TAL1: variants seen among roughly 807,000 people sequenced by gnomAD.
TAL1 encodes the protein T-cell acute lymphocytic leukemia protein 1.
TAL1 carries 8 observed loss-of-function variants against 17.9 expected under a neutral mutation model. The observed-to-expected ratio is 0.45, with a 90% confidence interval of 0.26 to 0.81. The LOEUF (loss-of-function observed/expected upper bound fraction) is 0.81. Among genes scored for constraint, TAL1 ranks in the 30% least tolerant of loss-of-function variants. The pLI, the probability that TAL1 is intolerant of heterozygous loss-of-function variation, is 0.17. For synonymous variants in TAL1, 223 were observed against 218.6 expected (o/e 1.02, Z -0.18); for missense variants, 466 against 486.9 (o/e 0.96, Z 0.40).
intron 1 of TAL1, among the ~76,000 whole-genome samples, chr1:47,226,410 C>G (rs1643912465): frequency 6.6e-6 from 1 of 152,144 alleles, no homozygotes; most frequent in African/African-American, 2.4e-5. Context: ...CACCTACAGG[C>G]ACACACCCAG....
intron 1 of TAL1, chr1:47,227,413 A>G (rs1643929745): frequency 6.6e-6 from 1 of 152,218 alleles, no homozygotes; most frequent in African/African-American, 2.4e-5. Flanking sequence ...TAAATCATAC[A>G]TAGCAGCCAT....
chr1:47,231,621 CA>C (rs1644015919), upstream of TAL1: 2 of 233,752 alleles, frequency 8.6e-6, no homozygotes, highest in South Asian at 3.6e-4. Context: ...CGACACCACC[CA>C]AACACAGTCG....
chr1:47,232,087 A>G (rs748807784), upstream of TAL1: 16 of 208,036 alleles, frequency 7.7e-5, no homozygotes, highest in Non-Finnish European at 9.2e-5. Context: ...GGACGTGGGG[A>G]AAAAGAGGAG....
chr1:47,219,894 G>GGCGCCCCCCCCCCCCCCCCCCCCC, exon 4 of TAL1: 3 of 1,556,026 alleles, frequency 1.9e-6, no homozygotes, highest in Non-Finnish European at 1.7e-6. Flanking sequence ...CTGGGGGCGC[G>GGCGCCCCCCCCCCCCCCCCCCCCC]CCGCCCCCTC....
intron 2 of TAL1, 36 bp downstream of exon 3, chr1:47,225,407 C>T: frequency 8.1e-7 from 1 of 1,228,306 alleles, no homozygotes; most frequent in Non-Finnish European, 1.0e-6. Context: ...CCTGCCCACC[C>T]GCCCAGCCCC....
At chr1:47,221,735 C>A (rs961878329) in intron 3 of TAL1, among the ~76,000 whole-genome samples, 8 of 152,182 alleles carry the variant, frequency 5.3e-5, no homozygotes, top group African/African-American at 1.9e-4. Flanking sequence ...GTCCCACTGC[C>A]CATTTTATAG....
At chr1:47,226,845 AT>A (rs1285442723) in intron 1 of TAL1, among the ~76,000 whole-genome samples, 1 of 151,870 alleles carries the variant, frequency 6.6e-6, no homozygotes, top group Non-Finnish European at 1.5e-5. Flanking sequence ...ACAGGATGTC[AT>A]GAGGCCCTTG....
chr1:47,232,131 G>A (rs1644026126), upstream of TAL1: 5 of 225,170 alleles, frequency 2.2e-5, no homozygotes, highest in Admixed American at 5.7e-5. Flanking sequence ...GAGGCCGCGG[G>A]TTGCTTTTCC....
At chr1:47,227,203 G>A (rs1419814529) in intron 1 of TAL1, 1 of 152,216 alleles carries the variant, frequency 6.6e-6, no homozygotes, top group Non-Finnish European at 1.5e-5. Flanking sequence ...CATCCAGATA[G>A]AGCTGGGCAC....
At chr1:47,222,395 T>C (rs957708984) in intron 3 of TAL1, among the ~76,000 whole-genome samples, 6 of 152,174 alleles carry the variant, frequency 3.9e-5, no homozygotes, top group Admixed American at 3.9e-4. Context: ...ATCTGTGAGA[T>C]GTAAACAATA....
chr1:47,216,291 C>T (rs3180394), downstream of TAL1: 31 of 200,266 alleles, frequency 1.5e-4, no homozygotes, highest in East Asian at 2.3e-3. Flanking sequence ...AGTCCTAAGG[C>T]CCCTTTGTAA....
intron 3 of TAL1, among the ~76,000 whole-genome samples, chr1:47,220,913 T>C (rs1289153257): frequency 6.6e-6 from 1 of 152,158 alleles, no homozygotes; most frequent in African/African-American, 2.4e-5. Flanking sequence ...GAAAAGAAGC[T>C]CCATGTTTAG....
At chr1:47,232,152 G>A (rs1644026435), upstream of TAL1, 1 of 217,374 alleles carries the variant, frequency 4.6e-6, no homozygotes, top group Non-Finnish European at 9.3e-6. Context: ...CCTAGAAAAA[G>A]GCCAGAATGC....
intron 3 of TAL1, among the ~76,000 whole-genome samples, chr1:47,222,166 C>A (rs376478520): frequency 6.6e-6 from 1 of 152,238 alleles, no homozygotes; most frequent in South Asian, 2.1e-4. Context: ...TGCTGGTGAT[C>A]TTGAGGGAGC....
intron 3 of TAL1, among the ~76,000 whole-genome samples, chr1:47,221,356 T>C (rs1027495418): frequency 3.9e-5 from 6 of 152,230 alleles, no homozygotes; most frequent in East Asian, 3.8e-4. Context: ...CCACTGACTA[T>C]GGCTTGGCCC....
exon 4 of TAL1, chr1:47,218,837 C>T (rs1439960923): frequency 2.1e-5 from 5 of 240,600 alleles, no homozygotes; most frequent in Admixed American, 5.0e-5. Flanking sequence ...TCAGCACCAG[C>T]GTACGCCCAT....
intron 3 of TAL1, chr1:47,223,364 T>A (rs938255944): frequency 2.0e-5 from 3 of 152,186 alleles, no homozygotes; most frequent in African/African-American, 7.2e-5. Flanking sequence ...CCCCTGCAAG[T>A]TCAGGGAATA....
chr1:47,219,993 C>G, exon 4 of TAL1: 2 of 1,603,130 alleles, frequency 1.2e-6, no homozygotes, highest in Non-Finnish European at 1.7e-6. Flanking sequence ...CATTGAGCAG[C>G]TTGGCCAAGA....
In TAL1 at chr1:47,220,192, A is replaced by G; in HGVS notation, c.542-18T>C. On this transcript the variant is annotated intron_variant, in intron 3 of 3. Coordinates refer to ENST00000294339, the Ensembl canonical transcript of TAL1. The stretch of plus-strand genomic sequence containing the variant: ...GTGGGGACCTGGAGATTAGGAGGAC[A>G]AGAGTTAGGAGAATGGGCTTGAGAT... 1 of 1,522,532 alleles carries G rather than the reference A, an allele frequency of 6.6e-7. No homozygotes were observed. The highest frequency in any genetic ancestry group is 2.3e-5 in the East Asian group (1 of 43,704). 94.3% of individuals were successfully genotyped at this position (1,522,532 alleles called of 1,614,324 possible). A position where few individuals can be genotyped will look rare whatever the true frequency, so the allele number is the denominator to read the frequency against.
Sources: allele counts gnomAD v4.1 joint callset (sites outside exome capture counted in the v4.1 genomes callset), GRCh38; gene constraint gnomAD v4.1.1; transcripts MANE v1.5; gene names NCBI Gene and HGNC (gene_info 2026-07-23, HGNC 2026-07-21).